The following PDE7B variants were observed in gnomAD, a reference collection of about 807,000 sequenced individuals.
PDE7B encodes phosphodiesterase 7B, also known as 3',5'-cyclic-AMP phosphodiesterase 7B.
PDE7B carries 29 observed loss-of-function variants against 56.2 expected under a neutral mutation model. The observed-to-expected ratio is 0.52, with a 90% confidence interval of 0.38 to 0.70. The LOEUF (loss-of-function observed/expected upper bound fraction) is 0.70, where lower values mean the gene tolerates loss of function less well. Ranked by LOEUF, PDE7B falls within the 30% of genes least tolerant of loss-of-function variation. The probability of loss-of-function intolerance (pLI) is 0.00; values close to 1 mark genes in which losing one functional copy is unlikely to be tolerated. For synonymous variants in PDE7B, 197 were observed against 196.9 expected (o/e 1.00, Z 0.00); for missense variants, 490 against 565.0 (o/e 0.87, Z 1.35).
intron 3 of PDE7B, among the ~76,000 whole-genome samples, chr6:136,146,121 C>A (rs1471558702): frequency 6.6e-6 from 1 of 152,158 alleles, no homozygotes; most frequent in African/African-American, 2.4e-5. Context: ...CCATTGTTTC[C>A]TCTGCCTCTG....
chr6:136,034,565 C>T (rs12203398), intron 2 of PDE7B: 29,713 of 152,126 alleles, frequency 0.2, 3,758 homozygotes, highest in East Asian at 0.33. Flanking sequence ...AGGGCATCAC[C>T]GGGGCTCACC....
intron 2 of PDE7B, among the ~76,000 whole-genome samples, chr6:136,021,131 T>C (rs975850140): frequency 2.0e-5 from 3 of 152,186 alleles, no homozygotes; most frequent in African/African-American, 7.2e-5. Flanking sequence ...ATTTTCCAAA[T>C]TCATAACCAA....
Position 136,143,313 on chromosome 6 carries a change from G to C in PDE7B, c.167-4038G>C, listed in dbSNP as rs189917285. Reference sequence around the variant, plus strand: ...AGGCAGGAGGATCACTTAAGCCCAGGATCATCAGCCCTGGCAACACAGTGA... The same window carrying C: ...AGGCAGGAGGATCACTTAAGCCCAGCATCATCAGCCCTGGCAACACAGTGA... On this transcript the variant is annotated intron_variant, in intron 3 of 12. Coordinates refer to ENST00000308191, the MANE Select transcript of PDE7B (RefSeq NM_018945.4). Among the ~76,000 whole-genome samples, 61 of 151,788 alleles carry C rather than the reference G, an allele frequency of 4.0e-4. 1 individual carries two copies. Among genetic ancestry groups the C allele is most frequent in the African/African-American group, 1.4e-3 (60 of 41,394 alleles).
chr6:135,989,770 T>C (rs902156087), intron 2 of PDE7B, among the ~76,000 whole-genome samples: 3 of 152,178 alleles, frequency 2.0e-5, no homozygotes, highest in African/African-American at 7.2e-5. Flanking sequence ...ATGTTGGTTT[T>C]TCAGGAGTTA....
intron 2 of PDE7B, among the ~76,000 whole-genome samples, chr6:135,965,025 C>T (rs1280846999): frequency 1.3e-5 from 2 of 152,160 alleles, no homozygotes; most frequent in Non-Finnish European, 1.5e-5. Context: ...CCTATAATCC[C>T]AGCTACTTGG....
At chr6:135,915,706 A>G (rs1773910516) in intron 1 of PDE7B, among the ~76,000 whole-genome samples, 1 of 152,146 alleles carries the variant, frequency 6.6e-6, no homozygotes, top group South Asian at 2.1e-4. Context: ...CTGTCCAGTC[A>G]ATTTCCTCCA....
chr6:135,855,861 C>T (rs954146222), intron 1 of PDE7B, among the ~76,000 whole-genome samples: 3 of 152,134 alleles, frequency 2.0e-5, no homozygotes, highest in East Asian at 1.9e-4. Context: ...AGGAAATTAC[C>T]TCAGTGTCAG....
chr6:136,022,246 T>A (rs921443445), intron 2 of PDE7B, among the ~76,000 whole-genome samples: 1 of 152,198 alleles, frequency 6.6e-6, no homozygotes, highest in African/African-American at 2.4e-5. Context: ...GTTTGAGAAT[T>A]TTCTGGTTAA....
rs891746789 is a variant in PDE7B at position 136,194,267 on chromosome 6, A to C, written c.*2427A>C. ...TGGGACTAAAAAATGGCTTTGTTTA[A>C]ATTATAATTATATAATAATTTAAAT... On this transcript the variant is annotated 3_prime_UTR_variant, in exon 13 of 13. Transcript: ENST00000308191. 8 of 152,194 alleles carry C rather than the reference A, an allele frequency of 5.3e-5. No homozygotes were observed. The highest frequency in any genetic ancestry group is 2.0e-4 in the Admixed American group (3 of 15,298). The allele number at this position is 152,194 out of a possible 1,614,324, so 9.4% of individuals were successfully genotyped here. A position where few individuals can be genotyped will look rare whatever the true frequency, so the allele number is the denominator to read the frequency against.
intron 1 of PDE7B, among the ~76,000 whole-genome samples, chr6:135,885,328 GT>G (rs11325233): frequency 0.55 from 78,294 of 143,336 alleles, 22,018 homozygotes; most frequent in African/African-American, 0.74. Context: ...CTTGTTTGTT[GT>G]TTTTTTTTTT....
intron 9 of PDE7B, among the ~76,000 whole-genome samples, chr6:136,174,441 A>G (rs7758070): frequency 0.028 from 4,328 of 152,086 alleles, 192 homozygotes; most frequent in African/African-American, 0.098. Context: ...GGAGACACTC[A>G]TTTTCTGGTT....
At chr6:136,098,186 G>C (rs1401558735) in intron 2 of PDE7B, 1 of 148,178 alleles carries the variant, frequency 6.7e-6, no homozygotes, top group South Asian at 2.2e-4. Context: ...ACATATACAG[G>C]AAGAGAAGTG....
chr6:135,945,948 A>C (rs1774589469), intron 1 of PDE7B, among the ~76,000 whole-genome samples: 1 of 152,168 alleles, frequency 6.6e-6, no homozygotes, highest in South Asian at 2.1e-4. Context: ...CATTCAGAGA[A>C]TAATTTAAGG....
At chr6:136,054,784 G>T (rs912007289) in intron 2 of PDE7B, among the ~76,000 whole-genome samples, 7 of 152,116 alleles carry the variant, frequency 4.6e-5, no homozygotes, top group Admixed American at 4.6e-4. Context: ...TTTTCACATG[G>T]CTAGGGAGGC....
In PDE7B at chr6:136,182,143, C is replaced by CT. The variant is rs1350641547; in HGVS notation, c.1045+824dup. Among the ~76,000 whole-genome samples the CT allele has an allele frequency of 1.2e-4, 18 of 152,296 alleles. No homozygotes were observed. In the East Asian group the frequency reaches 3.5e-3, roughly 29 times the overall value. ...GGGAGGTCAAATAGCAACAGTGAGC[C>CT]TTTTGGAGAAGGCACCATTGAAAGA... On this transcript the variant is annotated intron_variant, in intron 11 of 12. Transcript: ENST00000308191.
intron 2 of PDE7B, among the ~76,000 whole-genome samples, chr6:136,003,007 G>C (rs1176597128): frequency 6.6e-6 from 1 of 151,750 alleles, no homozygotes; most frequent in Non-Finnish European, 1.5e-5. Flanking sequence ...CTGTCTCTCA[G>C]ACCACAGTGC....
At chr6:136,121,271 C>T (rs1249806500) in intron 3 of PDE7B, among the ~76,000 whole-genome samples, 1 of 152,128 alleles carries the variant, frequency 6.6e-6, no homozygotes, top group East Asian at 1.9e-4. Flanking sequence ...CCAAGAGATG[C>T]CAAGAAATTA....
chr6:136,119,462 G>C (rs1777892846), intron 3 of PDE7B, among the ~76,000 whole-genome samples: 1 of 152,154 alleles, frequency 6.6e-6, no homozygotes, highest in South Asian at 2.1e-4. Context: ...TCAAGATGCA[G>C]AAAATGAAAT....
intron 2 of PDE7B, among the ~76,000 whole-genome samples, chr6:135,976,463 C>G (rs1308561600): frequency 6.6e-6 from 1 of 152,154 alleles, no homozygotes; most frequent in African/African-American, 2.4e-5. Flanking sequence ...TGATAATACA[C>G]CTGTTTACAG....
Sources: allele counts gnomAD v4.1 joint callset (sites outside exome capture counted in the v4.1 genomes callset), GRCh38; gene constraint gnomAD v4.1.1; transcripts MANE v1.5; gene names NCBI Gene and HGNC (gene_info 2026-07-23, HGNC 2026-07-21).